The following ITPR2 variants were observed in gnomAD, a reference collection of about 807,000 sequenced individuals.
ITPR2 encodes the protein inositol 1,4,5-trisphosphate-gated calcium channel ITPR2.
In ITPR2, 207 loss-of-function variants were observed where a neutral mutation model predicts 317.1. The observed-to-expected ratio is 0.65, with a 90% confidence interval of 0.58 to 0.73. The LOEUF is 0.73. ITPR2 is among the 30% of genes least tolerant of loss of function. The pLI, the probability that ITPR2 is intolerant of heterozygous loss-of-function variation, is 0.00. For synonymous variants in ITPR2, 1,156 were observed against 1,149.1 expected (o/e 1.01, Z -0.12); for missense variants, 2,613 against 3,284.0 (o/e 0.80, Z 4.99).
At chr12:26,415,519 C>A in intron 50 of ITPR2, 21 bp from the exon 51 acceptor site, 3 of 1,443,788 alleles carry the variant, frequency 2.1e-6, no homozygotes, top group South Asian at 2.9e-5. Context: ...AAAGAAAACA[C>A]TAATAAGAAA....
intron 26 of ITPR2, among the ~76,000 whole-genome samples, chr12:26,617,209 A>G (rs1341921894): frequency 6.6e-6 from 1 of 152,224 alleles, no homozygotes; most frequent in Admixed American, 6.5e-5. Flanking sequence ...AGCTAGAGAA[A>G]AGAAGAGAGC....
intron 22 of ITPR2, among the ~76,000 whole-genome samples, chr12:26,629,965 G>A (rs903805590): frequency 3.9e-4 from 59 of 152,256 alleles, no homozygotes; most frequent in South Asian, 1.5e-3. Context: ...AAACACCAGA[G>A]ACTCTTAAGA....
intron 2 of ITPR2, among the ~76,000 whole-genome samples, chr12:26,781,237 A>G (rs1382485895): frequency 1.3e-5 from 2 of 152,250 alleles, no homozygotes; most frequent in Non-Finnish European, 2.9e-5. Flanking sequence ...GAAGGAATAT[A>G]GAATGGGTAG....
chr12:26,700,723 G>A (rs1434992104), intron 9 of ITPR2, among the ~76,000 whole-genome samples: 7 of 152,320 alleles, frequency 4.6e-5, no homozygotes, highest in Middle Eastern at 3.4e-3. Context: ...GATGATGCAA[G>A]GGGACAGAGG....
intron 45 of ITPR2, among the ~76,000 whole-genome samples, chr12:26,452,945 C>T (rs1941775330): frequency 6.6e-6 from 1 of 151,772 alleles, no homozygotes; most frequent in Admixed American, 6.6e-5. Flanking sequence ...TACTTTAATC[C>T]CAGGAGGTTT....
intron 31 of ITPR2, 69 bp downstream of exon 31, chr12:26,596,814 T>A (rs1565629109): frequency 7.5e-7 from 1 of 1,328,256 alleles, no homozygotes; most frequent in Non-Finnish European, 1.0e-6. Context: ...GGGGGACTTC[T>A]GGCACCTAGA....
chr12:26,816,909 G>A (rs771402996), intron 1 of ITPR2, among the ~76,000 whole-genome samples: 9 of 152,094 alleles, frequency 5.9e-5, no homozygotes, highest in Non-Finnish European at 1.2e-4. Context: ...GAATGTCTGT[G>A]TAACTATAAA....
Position 26,561,342 on chromosome 12 carries a change from C to T in ITPR2, c.4821+420G>A, listed in dbSNP as rs76973227. Among the ~76,000 whole-genome samples, 656 of 152,278 alleles carry T rather than the reference C, an allele frequency of 4.3e-3. 7 individuals carry two copies. The highest frequency in any genetic ancestry group is 0.015 in the African/African-American group (623 of 41,546). On this transcript the variant is annotated intron_variant, in intron 35 of 56. Transcript: ENST00000381340. The stretch of plus-strand genomic sequence containing the variant: ...CAACAGCAGCCCTGGCAAACTAATA[C>T]AATTTCCAGGCCTAAATCAGGAGTG...
intron 32 of ITPR2, among the ~76,000 whole-genome samples, chr12:26,584,931 G>A (rs906556198): frequency 6.6e-6 from 1 of 152,022 alleles, no homozygotes; most frequent in Non-Finnish European, 1.5e-5. Context: ...TTTGCATTCC[G>A]TTATTTGTGA....
chr12:26,350,039 C>T (rs1358774663), intron 55 of ITPR2, among the ~76,000 whole-genome samples: 1 of 152,146 alleles, frequency 6.6e-6, no homozygotes, highest in African/African-American at 2.4e-5. Context: ...GGGTGTGACC[C>T]ATGCCCAGCA....
chr12:26,486,700 G>A, intron 40 of ITPR2: 1 of 537,608 alleles, frequency 1.9e-6, no homozygotes, highest in Non-Finnish European at 3.5e-6. Context: ...TTAATACATG[G>A]ATGATTTTGT....
rs34106132 is a variant in ITPR2, at chr12:26,773,981, A to ATTTTTTTTTTTTT, written c.163+16163_163+16175dup. Among the ~76,000 whole-genome samples the ATTTTTTTTTTTTT allele has an allele frequency of 2.2e-5, 2 of 91,392 alleles. 1 individual carries two copies. Among genetic ancestry groups the ATTTTTTTTTTTTT allele is most frequent in the South Asian group, 6.6e-4 (2 of 3,038 alleles). The allele number at this position is 91,392 out of a possible 152,430, so 60.0% of individuals were successfully genotyped here. On this transcript the variant is annotated intron_variant, in intron 2 of 56. Coordinates refer to ENST00000381340, the MANE Select transcript of ITPR2 (RefSeq NM_002223.4). ...CATAGAAACAACATTCAACTGGAGA[A>ATTTTTTTTTTTTT]TTTTTTTTTTTTTTTTTTTTTTTTT...
At chr12:26,459,058 T>C (rs1300396986) in intron 45 of ITPR2, among the ~76,000 whole-genome samples, 3 of 152,232 alleles carry the variant, frequency 2.0e-5, no homozygotes, top group Non-Finnish European at 4.4e-5. Context: ...CCTGTGAATA[T>C]TTCCTATCAG....
chr12:26,626,681 C>T (rs892798349), intron 23 of ITPR2, among the ~76,000 whole-genome samples: 2 of 152,242 alleles, frequency 1.3e-5, no homozygotes, highest in South Asian at 4.1e-4. Context: ...CCTTCTGCAG[C>T]GGCATGCTGC....
In ITPR2 at chr12:26,419,147, G is replaced by A. The variant is rs1940813189; in HGVS notation, c.7012C>T (p.Arg2338Ter). The A allele has an allele frequency of 6.2e-7, 1 of 1,613,674 alleles. No individual in the cohort carries two copies. The highest frequency in any genetic ancestry group is 8.5e-7 in the Non-Finnish European group (1 of 1,179,788). ...AAGGCCATATCCAGGATGACTGCTC[G>A]GTACCCACGGGTGAACGTGCCACGA... ...GNRGTFTRGY[R>*]AVILDMAFLY... Residue 2338 changes from arginine (R) to a stop codon, truncating the protein, a stop_gained, in exon 50 of 57, where the codon CGA becomes TGA. Coordinates refer to ENST00000381340, the MANE Select transcript of ITPR2 (RefSeq NM_002223.4). LOFTEE classifies it high-confidence loss of function.
chr12:26,781,980 A>G (rs1347610978), intron 2 of ITPR2, among the ~76,000 whole-genome samples: 3 of 137,882 alleles, frequency 2.2e-5, no homozygotes, highest in Non-Finnish European at 4.6e-5. Context: ...ATACTACTTA[A>G]TAAACTCCCC....
chr12:26,698,710 T>C (rs1340576204), intron 9 of ITPR2, among the ~76,000 whole-genome samples: 1 of 152,188 alleles, frequency 6.6e-6, no homozygotes, highest in Non-Finnish European at 1.5e-5. Flanking sequence ...GGCCTCTGTC[T>C]ACAGAGACCC....
chr12:26,454,107 A>T (rs61914403), intron 45 of ITPR2, among the ~76,000 whole-genome samples: 3,969 of 152,330 alleles, frequency 0.026, 159 homozygotes, highest in East Asian at 0.2. Flanking sequence ...TTTTAATGGC[A>T]TATGTGTTTA....
intron 55 of ITPR2, among the ~76,000 whole-genome samples, chr12:26,359,930 C>G (rs1487584368): frequency 6.6e-6 from 1 of 152,130 alleles, no homozygotes; most frequent in East Asian, 1.9e-4. Flanking sequence ...TTCTGTATCC[C>G]AAATACCACT....
Sources: gnomAD v4.1 joint callset for allele counts (sites outside exome capture counted in the v4.1 genomes callset) on GRCh38, gnomAD v4.1.1 for gene constraint, MANE v1.5 for transcripts, NCBI Gene and HGNC (gene_info 2026-07-23, HGNC 2026-07-21) for gene names.